The following DPP10 variants were observed in gnomAD, a reference collection of about 807,000 sequenced individuals.
DPP10 encodes the protein dipeptidyl peptidase like 10.
In DPP10, 33 loss-of-function variants were observed where a neutral mutation model predicts 120.9. The ratio of observed to expected loss-of-function variants is 0.27; its 90% CI spans 0.21 to 0.37. The LOEUF is 0.37. Among genes scored for constraint, DPP10 ranks in the 10% least tolerant of loss-of-function variants. The pLI is 1.00. For synonymous variants in DPP10, 337 were observed against 326.1 expected (o/e 1.03, Z -0.36); for missense variants, 816 against 942.8 (o/e 0.87, Z 1.76).
intron 1 of DPP10, among the ~76,000 whole-genome samples, chr2:114,739,866 A>G (rs1411217312): frequency 6.6e-6 from 1 of 152,102 alleles, no homozygotes; most frequent in Non-Finnish European, 1.5e-5. Context: ...TTCTCAATAC[A>G]TGTGTTTTCA....
intron 1 of DPP10, among the ~76,000 whole-genome samples, chr2:114,750,339 T>TA (rs960308499): frequency 9.8e-5 from 13 of 132,414 alleles, no homozygotes; most frequent in South Asian, 4.6e-4. Context: ...CATCAATATA[T>TA]TTTTTTTTTT....
intron 1 of DPP10, among the ~76,000 whole-genome samples, chr2:114,516,355 CCCCCTG>C: frequency 6.6e-6 from 1 of 152,074 alleles, no homozygotes; most frequent in Non-Finnish European, 1.5e-5. Flanking sequence ...TTTTTTCCAT[CCCCCTG>C]CAAAGTCCAT....
At chr2:115,206,334 C>A (rs1276579155) in intron 1 of DPP10, among the ~76,000 whole-genome samples, 1 of 152,128 alleles carries the variant, frequency 6.6e-6, no homozygotes, top group African/African-American at 2.4e-5. Flanking sequence ...TTAGCATTTT[C>A]TAGTGTGACT....
intron 5 of DPP10, among the ~76,000 whole-genome samples, chr2:115,637,115 G>C (rs546229277): frequency 6.6e-6 from 1 of 151,942 alleles, no homozygotes; most frequent in East Asian, 1.9e-4. Context: ...AAATGTTAAA[G>C]GTATAATGTA....
chr2:115,026,126 G>T (rs1300592778), intron 1 of DPP10, among the ~76,000 whole-genome samples: 2 of 151,982 alleles, frequency 1.3e-5, no homozygotes, highest in Admixed American at 1.3e-4. Context: ...TTTCCCTAAC[G>T]TTTTCTTTTA....
chr2:114,855,972 A>T (rs1689335659), intron 1 of DPP10, among the ~76,000 whole-genome samples: 1 of 151,866 alleles, frequency 6.6e-6, no homozygotes, highest in Non-Finnish European at 1.5e-5. Context: ...CACAGAACAA[A>T]CCGTTAACAT....
At chr2:114,533,911 A>C (rs1200774897) in intron 1 of DPP10, among the ~76,000 whole-genome samples, 1 of 152,156 alleles carries the variant, frequency 6.6e-6, no homozygotes, top group Admixed American at 6.5e-5. Context: ...CTTTACATCT[A>C]AAAACTCTTG....
At chr2:114,764,053 A>G (rs1369218373) in intron 1 of DPP10, among the ~76,000 whole-genome samples, 1 of 152,230 alleles carries the variant, frequency 6.6e-6, no homozygotes, top group Non-Finnish European at 1.5e-5. Flanking sequence ...AAACTGTTTC[A>G]TGAGGATCAA....
chr2:114,569,342 G>A (rs1194290611), intron 1 of DPP10, among the ~76,000 whole-genome samples: 2 of 152,118 alleles, frequency 1.3e-5, no homozygotes, highest in Non-Finnish European at 2.9e-5. Context: ...GTCATTCCCC[G>A]AGGGAAATCT....
At chr2:115,815,128 A>AT (rs201073818) in intron 20 of DPP10, 141 bp downstream of exon 20, 9,538 of 720,580 alleles carry the variant, frequency 0.013, 117 homozygotes, top group African/African-American at 0.07. Flanking sequence ...AGCCTATTTC[A>AT]TTTTTTTTTT....
intron 1 of DPP10, among the ~76,000 whole-genome samples, chr2:114,520,833 C>G (rs1331126440): frequency 6.6e-6 from 1 of 152,080 alleles, no homozygotes; most frequent in Non-Finnish European, 1.5e-5. Context: ...CAAGATGATC[C>G]AAAGGGGATG....
intron 5 of DPP10, among the ~76,000 whole-genome samples, chr2:115,637,880 T>C (rs1199761230): frequency 6.6e-6 from 1 of 152,172 alleles, no homozygotes; most frequent in African/African-American, 2.4e-5. Context: ...GTACCACCCT[T>C]GTACCTGTAT....
At chr2:115,096,402 G>A (rs1709747348) in intron 1 of DPP10, among the ~76,000 whole-genome samples, 2 of 152,100 alleles carry the variant, frequency 1.3e-5, no homozygotes. Flanking sequence ...ACAAATATAT[G>A]AAGTTTCCTA....
intron 14 of DPP10, 99 bp from the exon 15 acceptor site, chr2:115,777,688 A>G: frequency 8.0e-7 from 1 of 1,244,414 alleles, no homozygotes; most frequent in East Asian, 2.4e-5. Flanking sequence ...GTGAAGATTC[A>G]ATGTGAATTC....
At chr2:115,115,168 T>A (rs893252433) in intron 1 of DPP10, among the ~76,000 whole-genome samples, 1 of 152,096 alleles carries the variant, frequency 6.6e-6, no homozygotes, top group Non-Finnish European at 1.5e-5. Context: ...CGGTTGTTTC[T>A]TCATCATTTT....
chr2:114,888,076 G>T (rs1692217793), intron 1 of DPP10, among the ~76,000 whole-genome samples: 1 of 151,132 alleles, frequency 6.6e-6, no homozygotes, highest in Non-Finnish European at 1.5e-5. Context: ...CTGGGAGGTG[G>T]AGCTTGCAGT....
intron 1 of DPP10, among the ~76,000 whole-genome samples, chr2:114,825,825 A>T (rs1181434548): frequency 6.6e-6 from 1 of 152,228 alleles, no homozygotes; most frequent in Non-Finnish European, 1.5e-5. Context: ...AGCCTAAATA[A>T]CAGAGGGCAT....
chr2:115,230,749 T>A (rs1175165815), intron 1 of DPP10, among the ~76,000 whole-genome samples: 2 of 152,144 alleles, frequency 1.3e-5, no homozygotes, highest in East Asian at 3.9e-4. Context: ...GGTAAAAAAA[T>A]TAATTATGAA....
intron 1 of DPP10, among the ~76,000 whole-genome samples, chr2:115,232,060 A>G (rs1336211461): frequency 6.6e-6 from 1 of 152,168 alleles, no homozygotes; most frequent in Non-Finnish European, 1.5e-5. Flanking sequence ...AAGAGGACGT[A>G]CTTTGGCTGG....
Sources: allele counts gnomAD v4.1 joint callset (sites outside exome capture counted in the v4.1 genomes callset), GRCh38; gene constraint gnomAD v4.1.1; transcripts MANE v1.5; gene names NCBI Gene and HGNC (gene_info 2026-07-23, HGNC 2026-07-21).